BIRC6: variants seen among roughly 807,000 people sequenced by gnomAD.
BIRC6 encodes baculoviral IAP repeat containing 6.
Under a neutral mutation model 503.3 loss-of-function variants are expected in BIRC6, and 98 were observed. That is an observed-to-expected ratio of 0.19 (90% CI 0.17 to 0.23). The LOEUF is 0.23. Among genes scored for constraint, BIRC6 ranks in the 10% least tolerant of loss-of-function variants. The probability of loss-of-function intolerance (pLI) is 1.00; values close to 1 mark genes in which losing one functional copy is unlikely to be tolerated. For synonymous variants in BIRC6, 2,240 were observed against 2,078.7 expected (o/e 1.08, Z -2.11); for missense variants, 5,360 against 5,806.0 (o/e 0.92, Z 2.50).
chr2:32,417,188 G>T lies in BIRC6; in HGVS notation c.2872+1025G>T, dbSNP rs2754517. On this transcript the variant is annotated intron_variant, in intron 10 of 73. Coordinates refer to ENST00000421745, the MANE Select transcript of BIRC6 (RefSeq NM_016252.4). ...TGTGTTGCCCAGGCTGGAGTGCAGTGGCATGATCTCAGCTCACTGCAGCCT... is the reference window on the plus strand; with the variant it reads ...TGTGTTGCCCAGGCTGGAGTGCAGTTGCATGATCTCAGCTCACTGCAGCCT... Among the ~76,000 whole-genome samples the T allele has an allele frequency of 3.0e-3, 453 of 152,142 alleles. 2 individuals are homozygous for T. Among genetic ancestry groups the T allele is most frequent in the Non-Finnish European group, 5.2e-3 (354 of 68,008 alleles).
intron 45 of BIRC6, among the ~76,000 whole-genome samples, chr2:32,498,453 CAG>C (rs979388286): frequency 6.6e-6 from 1 of 152,158 alleles, no homozygotes; most frequent in Admixed American, 6.5e-5. Flanking sequence ...TGTATAATGT[CAG>C]AACTTAACAG....
Position 32,531,379 on chromosome 2 carries a change from G to T in BIRC6, c.12119G>T (p.Cys4040Phe). ...GATCATGGAGACTTACTTGCTAGCT[G>T]TCCAGAAGATGAGGCTCTCACTCCA... ...EKDHGDLLAS[C>F]PEDEALTPGD... Residue 4040 changes from cysteine to phenylalanine, a missense_variant, in exon 61 of 74, where the codon TGT (cysteine) becomes TTT (phenylalanine). Transcript: ENST00000421745. 1 of 1,613,024 alleles carries T rather than the reference G, an allele frequency of 6.2e-7. No individual in the cohort carries two copies. Among genetic ancestry groups the T allele is most frequent in the Non-Finnish European group, 8.5e-7 (1 of 1,179,316 alleles).
At chr2:32,429,991 A>G (rs572573461) in intron 11 of BIRC6, among the ~76,000 whole-genome samples, 1 of 152,282 alleles carries the variant, frequency 6.6e-6, no homozygotes, top group South Asian at 2.1e-4. Flanking sequence ...TAGAGGAAAG[A>G]TGAATTTTGT....
intron 23 of BIRC6, among the ~76,000 whole-genome samples, chr2:32,458,063 C>T (rs992811485): frequency 1.3e-5 from 2 of 152,054 alleles, no homozygotes; most frequent in Non-Finnish European, 2.9e-5. Flanking sequence ...TATAGGGATT[C>T]TAAGTTACTA....
intron 43 of BIRC6, among the ~76,000 whole-genome samples, chr2:32,491,158 A>G (rs1217068011): frequency 6.6e-6 from 1 of 152,164 alleles, no homozygotes; most frequent in African/African-American, 2.4e-5. Context: ...GTCAGGACCT[A>G]GTTATATCTT....
At chr2:32,410,912 G>C (rs7571038) in intron 9 of BIRC6, among the ~76,000 whole-genome samples, 1 of 152,038 alleles carries the variant, frequency 6.6e-6, no homozygotes, top group Admixed American at 6.6e-5. Context: ...GTGTTAGCCA[G>C]GATGGTCTTG....
intron 4 of BIRC6, among the ~76,000 whole-genome samples, chr2:32,389,917 T>C (rs190148276): frequency 6.6e-6 from 1 of 151,886 alleles, no homozygotes; most frequent in African/African-American, 2.4e-5. Context: ...TGGAGTGCAA[T>C]GGCACGATCT....
chr2:32,510,563 A>G lies in BIRC6; in HGVS notation c.10275A>G (p.Gly3425=). 6.2e-7 allele frequency: 1 copy of G among 1,609,292 alleles called. No individual in the cohort carries two copies. Among genetic ancestry groups the G allele is most frequent in the Non-Finnish European group, 8.5e-7 (1 of 1,175,910 alleles). The change falls in exon 53 of 74, where the codon GGA becomes GGG. Residue 3425 remains glycine (G), a synonymous_variant. Transcript: ENST00000421745. ...NSPLLFGRLN[G]LSSDSTIDIL... Reference sequence around the variant, plus strand: ...CTTTACTTTTTGGAAGACTAAATGGACTCTCTTCTGACTCTACGATAGATA... The same window carrying G: ...CTTTACTTTTTGGAAGACTAAATGGGCTCTCTTCTGACTCTACGATAGATA...
chr2:32,535,545 A>C (rs1451971202), intron 61 of BIRC6, among the ~76,000 whole-genome samples: 3 of 152,196 alleles, frequency 2.0e-5, no homozygotes, highest in Non-Finnish European at 4.4e-5. Flanking sequence ...ATGAGTGAGA[A>C]CATGCAGTGT....
chr2:32,372,768 T>A (rs1253501284), intron 1 of BIRC6, among the ~76,000 whole-genome samples: 2 of 152,080 alleles, frequency 1.3e-5, no homozygotes, highest in Non-Finnish European at 2.9e-5. Context: ...AGGTCAAAGC[T>A]GTGGTGAGCA....
chr2:32,512,797 A>T, intron 53 of BIRC6, 136 bp from the exon 54 acceptor site: 2 of 673,496 alleles, frequency 3.0e-6, no homozygotes, highest in Admixed American at 3.0e-5. Context: ...TTCCTATTTT[A>T]GATTAAAATA....
At chr2:32,393,399 A>G (rs2039488888) in intron 5 of BIRC6, among the ~76,000 whole-genome samples, 1 of 152,234 alleles carries the variant, frequency 6.6e-6, no homozygotes, top group African/African-American at 2.4e-5. Context: ...GTTATTTAAT[A>G]GGAAACTTAA....
At chr2:32,367,577 T>G (rs1176340352) in intron 1 of BIRC6, among the ~76,000 whole-genome samples, 1 of 152,138 alleles carries the variant, frequency 6.6e-6, no homozygotes, top group East Asian at 1.9e-4. Context: ...ATCCCAGCAC[T>G]TGTGGGGCCA....
At position 32,357,173 on chromosome 2, in the gene BIRC6, T is replaced by C. The variant is rs115758817; in HGVS notation, c.12T>C (p.Gly4=). The change falls in exon 1 of 74, where the codon GGT becomes GGC. Residue 4 remains glycine (G), a synonymous_variant. Transcript: ENST00000421745. The surrounding 1 kb of genome is among the most constrained non-coding windows in gnomAD (Gnocchi z 4.9). ...CCCCCTGGCCCCGGATGGTGACTGG[T>C]GGTGGTGCTGCACCTCCCGGGACTG... MVT[G]GGAAPPGTVT... is the part of the protein sequence containing the mutation. 22,730 of 1,525,628 alleles carry C rather than the reference T, an allele frequency of 0.015. 399 individuals are homozygous for C. The highest frequency in any genetic ancestry group is 0.088 in the African/African-American group (6,112 of 69,462). The allele number at this position is 1,525,628 out of a possible 1,614,324, so 94.5% of individuals were successfully genotyped here.
At position 32,473,159 on chromosome 2, in the gene BIRC6, A is replaced by C. The variant is rs769895095; in HGVS notation, c.6640A>C (p.Asn2214His). The C allele has an allele frequency of 1.3e-6, 2 of 1,580,158 alleles. No homozygotes were observed. The highest frequency in any genetic ancestry group is 2.3e-5 in the South Asian group (2 of 86,200). ...INNNLHTQSL[N>H]RSSKGSSSLD... ...CAATAATCTACACACTCAGAGCTTA[A>C]ATAGATCTTCTAAAGGCAGCAGTAG... Residue 2214 changes from asparagine (N) to histidine (H), a missense_variant, in exon 33 of 74, where the codon AAT (asparagine) becomes CAT (histidine). By Grantham distance (68) the Asn-to-His change is moderately conservative (BLOSUM62 1). Around this residue, in one of 16 missense-constraint regions of BIRC6, gnomAD observed 2,299 missense variants for 2,267.2 expected, o/e 1.01. Coordinates refer to ENST00000421745, the MANE Select transcript of BIRC6 (RefSeq NM_016252.4).
At chr2:32,424,263 G>GA (rs1300220873) in intron 10 of BIRC6, among the ~76,000 whole-genome samples, 1 of 151,386 alleles carries the variant, frequency 6.6e-6, no homozygotes, top group Non-Finnish European at 1.5e-5. Flanking sequence ...ATATATATAT[G>GA]AAAAAACAAT....
chr2:32,498,294 A>G (rs552158386), intron 45 of BIRC6, among the ~76,000 whole-genome samples: 1 of 152,140 alleles, frequency 6.6e-6, no homozygotes, highest in Non-Finnish European at 1.5e-5. Context: ...CGAACTCCTG[A>G]GCTCAAGCAA....
At position 32,468,726 on chromosome 2, in the gene BIRC6, C is replaced by T. The variant is rs143036929; in HGVS notation, c.6070C>T (p.Arg2024Cys). 12 of 1,613,388 alleles carry T rather than the reference C, an allele frequency of 7.4e-6. 1 individual carries two copies. The highest frequency in any genetic ancestry group is 2.2e-5 in the South Asian group (2 of 91,034). Residue 2024 changes from arginine (R) to cysteine (C), a missense_variant, in exon 29 of 74, where the codon CGT becomes TGT. Arg to Cys is a radical substitution (Grantham distance 180, BLOSUM62 -3). Around this residue, in one of 16 missense-constraint regions of BIRC6, gnomAD observed 2,299 missense variants for 2,267.2 expected, o/e 1.01. Coordinates refer to ENST00000421745, the MANE Select transcript of BIRC6 (RefSeq NM_016252.4). Reference sequence around the variant, plus strand: ...TCAGACATCTTCCACAGAGCAGTTACGTACTATCATCAGATATTTACTGGA... The same window carrying T: ...TCAGACATCTTCCACAGAGCAGTTATGTACTATCATCAGATATTTACTGGA... Reference protein sequence around the residue: ...LIQTSSTEQLRTIIRYLLDTL... With the variant: ...LIQTSSTEQLCTIIRYLLDTL...
intron 65 of BIRC6, chr2:32,557,484 T>A (rs2150571908): frequency 6.6e-6 from 1 of 152,368 alleles, no homozygotes; most frequent in South Asian, 2.1e-4. Flanking sequence ...TGCTTTGTCC[T>A]GTTTTTTTCC....
Sources: gnomAD v4.1 joint callset for allele counts (sites outside exome capture counted in the v4.1 genomes callset) on GRCh38, gnomAD v4.1.1 for gene constraint, gnomAD v4.1.1 regional missense constraint, Gnocchi (gnomAD v3.1) non-coding constraint, MANE v1.5 for transcripts, NCBI Gene and HGNC (gene_info 2026-07-23, HGNC 2026-07-21) for gene names.